TNNI3K: variants seen among roughly 807,000 people sequenced by gnomAD.
The protein encoded by TNNI3K is TNNI3 interacting kinase.
Under a neutral mutation model 114.5 loss-of-function variants are expected in TNNI3K, and 140 were observed. The ratio of observed to expected loss-of-function variants is 1.22; its 90% confidence interval spans 1.07 to 1.41. TNNI3K has a LOEUF of 1.41. TNNI3K is among the 40% of genes most tolerant of loss of function. The probability of loss-of-function intolerance (pLI) is 0.00; values close to 1 mark genes in which losing one functional copy is unlikely to be tolerated. For missense variants in TNNI3K, 1,125 were observed against 1,007.6 expected, an observed-to-expected ratio of 1.12 and a Z score of -1.58; for synonymous variants, 347 against 347.5, an observed-to-expected ratio of 1.00 and a Z score of 0.02.
At chr1:74,390,720 T>G (rs538537748) in intron 17 of TNNI3K, among the ~76,000 whole-genome samples, 1 of 152,236 alleles carries the variant, frequency 6.6e-6, no homozygotes, top group East Asian at 1.9e-4. Context: ...TAAGCAAGGA[T>G]ATTTTAGATA....
At chr1:74,445,671 C>T (rs1165904675) in intron 20 of TNNI3K, among the ~76,000 whole-genome samples, 9 of 140,022 alleles carry the variant, frequency 6.4e-5, no homozygotes, top group South Asian at 2.2e-4. Context: ...AGTGCAGTGG[C>T]GGGATCTCGG....
intron 17 of TNNI3K, among the ~76,000 whole-genome samples, chr1:74,399,810 A>G (rs1398563134): frequency 6.6e-6 from 1 of 152,198 alleles, no homozygotes; most frequent in African/African-American, 2.4e-5. Context: ...GATGGAGCAC[A>G]ATAGAAAAAG....
chr1:74,527,170 C>CTGTTTACAGTTTTACTA (rs1557628601), intron 23 of TNNI3K, among the ~76,000 whole-genome samples: 2 of 152,148 alleles, frequency 1.3e-5, no homozygotes, highest in Non-Finnish European at 2.9e-5. Flanking sequence ...GTTTTACTAG[C>CTGTTTACAGTTTTACTA]CCGTGCCAGG....
At chr1:74,274,056 T>C (rs1244802097) in intron 5 of TNNI3K, among the ~76,000 whole-genome samples, 1 of 151,920 alleles carries the variant, frequency 6.6e-6, no homozygotes, top group Non-Finnish European at 1.5e-5. Flanking sequence ...CCCTAAAACT[T>C]AATTATTTAT....
At chr1:74,366,214 T>A (rs1662263967) in intron 11 of TNNI3K, among the ~76,000 whole-genome samples, 1 of 152,068 alleles carries the variant, frequency 6.6e-6, no homozygotes, top group Admixed American at 6.6e-5. Flanking sequence ...TTACCAGTTT[T>A]ACAATAAGCT....
Position 74,540,291 on chromosome 1 carries a change from A to G in TNNI3K, c.2409A>G (p.Gln803=), listed in dbSNP as rs749904033. ...TGGAGGAGATGAAAAGAAGTCTTCA[A>G]TACACACCCATTGACAAATATGGTA... The part of the protein sequence containing the change: ...LSLEEMKRSL[Q]YTPIDKYGYV... Residue 803 remains glutamine, a synonymous_variant, in exon 24 of 25, where the codon CAA becomes CAG. Transcript: ENST00000326637. 29 of 1,612,168 alleles carry G rather than the reference A, an allele frequency of 1.8e-5. 1 individual carries two copies. The Admixed American group carries it at 4.2e-4, about 23-fold the overall frequency.
intron 13 of TNNI3K, 176 bp from the exon 14 acceptor site, chr1:74,368,846 A>G (rs1662427433): frequency 1.8e-6 from 1 of 547,234 alleles, no homozygotes; most frequent in South Asian, 3.0e-5. Flanking sequence ...GCAGGGGGGT[A>G]GGGATCATTT....
intron 5 of TNNI3K, among the ~76,000 whole-genome samples, chr1:74,293,688 C>T (rs1657810430): frequency 1.3e-5 from 2 of 151,346 alleles, no homozygotes; most frequent in Admixed American, 6.6e-5. Context: ...TTTTTCTTTC[C>T]TTATTTCATT....
At chr1:74,254,471 C>T (rs1655152493) in intron 4 of TNNI3K, among the ~76,000 whole-genome samples, 2 of 152,172 alleles carry the variant, frequency 1.3e-5, no homozygotes, top group African/African-American at 4.8e-5. Flanking sequence ...AAGAATTTCT[C>T]ACCCGATCCT....
chr1:74,349,865 C>T (rs1661235167), intron 9 of TNNI3K, among the ~76,000 whole-genome samples: 1 of 152,012 alleles, frequency 6.6e-6, no homozygotes, highest in Non-Finnish European at 1.5e-5. Context: ...TCCCTCTTTC[C>T]TTCTTTATTA....
intron 21 of TNNI3K, among the ~76,000 whole-genome samples, chr1:74,467,830 TA>T (rs1479220558): frequency 1.3e-5 from 2 of 152,166 alleles, no homozygotes; most frequent in Non-Finnish European, 1.5e-5. Context: ...TTTACTGAAT[TA>T]AAATCTCTCA....
chr1:74,448,923 T>C (rs1358989836), intron 20 of TNNI3K, among the ~76,000 whole-genome samples: 1 of 63,936 alleles, frequency 1.6e-5, no homozygotes, highest in Non-Finnish European at 3.1e-5. Flanking sequence ...TCTAAAATTC[T>C]CTTTTTTGGT....
In TNNI3K at chr1:74,492,129, GTCTCTC is replaced by G; in HGVS notation, c.2217_2222del (p.Leu740_Ser741del). ...CTCCTGCATCAAGTAACAGCAGTGG[GTCTCTC>G]TCACCTTCTTCTTCTTCTGATTGCC... On this transcript the variant is annotated inframe_deletion, in exon 23 of 25. Transcript: ENST00000326637. The G allele has an allele frequency of 6.2e-7, 1 of 1,611,082 alleles. No individual in the cohort carries two copies. The highest frequency in any genetic ancestry group is 8.5e-7 in the Non-Finnish European group (1 of 1,177,860).
intron 24 of TNNI3K, chr1:74,541,506 G>A (rs1646726324): frequency 6.6e-6 from 1 of 152,098 alleles, no homozygotes; most frequent in South Asian, 2.1e-4. Flanking sequence ...TTTTTTAATA[G>A]ACATAATATC....
intron 23 of TNNI3K, among the ~76,000 whole-genome samples, chr1:74,529,448 A>C (rs1272046734): frequency 1.3e-5 from 2 of 152,238 alleles, no homozygotes; most frequent in Non-Finnish European, 2.9e-5. Context: ...TCAAGTAGAG[A>C]TGGAGAGACC....
At chr1:74,275,625 A>C (rs1656636400) in intron 5 of TNNI3K, among the ~76,000 whole-genome samples, 1 of 152,120 alleles carries the variant, frequency 6.6e-6, no homozygotes, top group South Asian at 2.1e-4. Flanking sequence ...TGGCCCAAAA[A>C]TAGGAAGGAA....
intron 9 of TNNI3K, chr1:74,346,300 T>C (rs1483314438): frequency 6.6e-6 from 1 of 152,186 alleles, no homozygotes; most frequent in African/African-American, 2.4e-5. Flanking sequence ...AGACAGTAGA[T>C]GGTTTTACCA....
At chr1:74,534,595 C>T (rs1646637146) in intron 23 of TNNI3K, among the ~76,000 whole-genome samples, 1 of 152,178 alleles carries the variant, frequency 6.6e-6, no homozygotes, top group South Asian at 2.1e-4. Context: ...CAGAATCTCC[C>T]AGTCTCTTCA....
At chr1:74,275,822 T>C (rs1249590947) in intron 5 of TNNI3K, among the ~76,000 whole-genome samples, 2 of 152,078 alleles carry the variant, frequency 1.3e-5, no homozygotes, top group Non-Finnish European at 2.9e-5. Context: ...ATAACACAAT[T>C]TCTGTGGTTT....
Sources: allele counts gnomAD v4.1 joint callset (sites outside exome capture counted in the v4.1 genomes callset), GRCh38; gene constraint gnomAD v4.1.1; transcripts MANE v1.5; gene names NCBI Gene and HGNC (gene_info 2026-07-23, HGNC 2026-07-21).